LMO7: variants seen among roughly 807,000 people sequenced by gnomAD.
The protein encoded by LMO7 is LIM domain 7, also known as LIM domain only protein 7.
A neutral mutation model predicts 206.5 loss-of-function variants in LMO7; 120 were observed. The ratio of observed to expected loss-of-function variants is 0.58; its 90% CI spans 0.50 to 0.68. The LOEUF (loss-of-function observed/expected upper bound fraction) is 0.68. LMO7 is among the 30% of genes least tolerant of loss of function. LMO7 has a pLI of 0.00. For synonymous variants in LMO7, 706 were observed against 681.5 expected, an observed-to-expected ratio of 1.04 and a Z score of -0.56; for missense variants, 1,959 against 1,957.9, an observed-to-expected ratio of 1.00 and a Z score of -0.01.
intron 1 of LMO7, among the ~76,000 whole-genome samples, chr13:75,675,003 T>A (rs1451831508): frequency 1.3e-5 from 2 of 152,198 alleles, no homozygotes; most frequent in Non-Finnish European, 2.9e-5. Flanking sequence ...AGTTTCCTAG[T>A]CCTGTTATTT....
At chr13:75,656,628 T>A (rs2038084768) in intron 1 of LMO7, among the ~76,000 whole-genome samples, 1 of 152,192 alleles carries the variant, frequency 6.6e-6, no homozygotes, top group Non-Finnish European at 1.5e-5. Context: ...AGCTTGCGGT[T>A]AGTAGACTAC....
intron 1 of LMO7, among the ~76,000 whole-genome samples, chr13:75,670,628 A>G (rs917606387): frequency 5.3e-5 from 8 of 152,236 alleles, no homozygotes; most frequent in African/African-American, 1.9e-4. Context: ...GAAATGCTAC[A>G]TTTGTATAGG....
At position 75,838,072 on chromosome 13, in the gene LMO7, T is replaced by C; in HGVS notation, c.3395-68T>C. ...CTACAGATTGGAAAGGTATATCAAG[T>C]ATCGTTTAATTTACCAATGGTGAGA... is the stretch of plus-strand genomic sequence containing the variant. On this transcript the variant is annotated intron_variant, in intron 19 of 30. Transcript: ENST00000377534. 12 of 886,928 alleles carry C rather than the reference T, an allele frequency of 1.4e-5. 1 individual carries two copies. In the South Asian group the frequency reaches 1.7e-4, roughly 13 times the overall value. 54.9% of individuals were successfully genotyped at this position (886,928 alleles called of 1,614,324 possible).
chr13:75,814,568 A>T (rs555499222), intron 11 of LMO7, among the ~76,000 whole-genome samples: 1 of 152,324 alleles, frequency 6.6e-6, no homozygotes, highest in South Asian at 2.1e-4. Context: ...TAACACATTT[A>T]TCGGGCACCT....
intron 4 of LMO7, among the ~76,000 whole-genome samples, chr13:75,774,781 T>C (rs1381205353): frequency 6.6e-6 from 1 of 152,170 alleles, no homozygotes; most frequent in African/African-American, 2.4e-5. Flanking sequence ...ATATATCAGT[T>C]ATCTTCTCCC....
At chr13:75,735,717 G>A (rs974888811) in intron 3 of LMO7, among the ~76,000 whole-genome samples, 1 of 149,306 alleles carries the variant, frequency 6.7e-6, no homozygotes, top group Admixed American at 6.7e-5. Context: ...CTTGGGATTT[G>A]CCCGCCTCGG....
chr13:75,805,216 C>A, intron 8 of LMO7: 2 of 1,231,348 alleles, frequency 1.6e-6, no homozygotes, highest in Non-Finnish European at 1.0e-6. Flanking sequence ...GAAAGTAACA[C>A]CCCAAATTGT....
chr13:75,719,151 T>C (rs2043809700), intron 2 of LMO7, among the ~76,000 whole-genome samples: 2 of 152,016 alleles, frequency 1.3e-5, no homozygotes, highest in Admixed American at 1.3e-4. Context: ...GGCTAATTTT[T>C]GTATTTTTAG....
intron 4 of LMO7, among the ~76,000 whole-genome samples, chr13:75,767,288 A>G (rs1384242654): frequency 1.3e-5 from 2 of 152,116 alleles, no homozygotes; most frequent in Non-Finnish European, 2.9e-5. Flanking sequence ...ATCACTTTTT[A>G]TCTTGTGAAA....
chr13:75,804,445 C>T lies in LMO7; in HGVS notation c.818C>T (p.Pro273Leu). ...AAAAGTAGACAGCCATCCTATGTAC[C>T]AGCACCTCTGAGAAAGAAAAAGCCA... ...PNKSRQPSYV[P>L]APLRKKKPDK... The change falls in exon 8 of 31, where the codon CCA (proline) becomes CTA (leucine). Residue 273 changes from proline (P) to leucine (L), a missense_variant. Coordinates refer to ENST00000377534, the MANE Select transcript of LMO7 (RefSeq NM_001306080.2). 1.9e-6 allele frequency: 3 copies of T among 1,614,094 alleles called. No homozygotes were observed. The highest frequency in any genetic ancestry group is 2.5e-6 in the Non-Finnish European group (3 of 1,180,002).
chr13:75,857,962 A>G lies in LMO7; in HGVS notation c.*19A>G, dbSNP rs1031304146. The G allele has an allele frequency of 6.0e-5, 96 of 1,610,108 alleles. No individual in the cohort carries two copies. The highest frequency in any genetic ancestry group is 7.6e-5 in the Non-Finnish European group (89 of 1,178,036). ...CATGTGATGTAAGCCTCCATACGAAAGCACTGTTGCAGATAGAAGAAGAGG... is the reference window on the plus strand; with the variant it reads ...CATGTGATGTAAGCCTCCATACGAAGGCACTGTTGCAGATAGAAGAAGAGG... On this transcript the variant is annotated 3_prime_UTR_variant, in exon 31 of 31. Coordinates refer to ENST00000377534, the MANE Select transcript of LMO7 (RefSeq NM_001306080.2).
At chr13:75,754,550 G>A (rs1294838210) in intron 3 of LMO7, among the ~76,000 whole-genome samples, 1 of 152,110 alleles carries the variant, frequency 6.6e-6, no homozygotes, top group Non-Finnish European at 1.5e-5. Flanking sequence ...TTAATAGAAA[G>A]GAATGGGAGT....
intron 1 of LMO7, among the ~76,000 whole-genome samples, chr13:75,709,987 G>A (rs2042960085): frequency 6.6e-6 from 1 of 152,156 alleles, no homozygotes; most frequent in South Asian, 2.1e-4. Flanking sequence ...AAGGTGTAAG[G>A]AAGGGATCCA....
intron 24 of LMO7, among the ~76,000 whole-genome samples, chr13:75,842,607 G>A (rs935179079): frequency 6.6e-6 from 1 of 152,146 alleles, no homozygotes; most frequent in Non-Finnish European, 1.5e-5. Flanking sequence ...TCTTAGAGTG[G>A]TACTGGAATA....
intron 1 of LMO7, among the ~76,000 whole-genome samples, chr13:75,697,339 A>C (rs573652650): frequency 6.6e-6 from 1 of 152,344 alleles, no homozygotes; most frequent in East Asian, 1.9e-4. Flanking sequence ...ACTCAGTTCT[A>C]CATGGCTGGG....
chr13:75,833,872 C>T (rs1291803547), intron 16 of LMO7, among the ~76,000 whole-genome samples: 1 of 151,972 alleles, frequency 6.6e-6, no homozygotes, highest in Non-Finnish European at 1.5e-5. Context: ...TGCTTCATTC[C>T]AGAATGTATC....
chr13:75,810,340 G>A (rs1477694667), intron 11 of LMO7, among the ~76,000 whole-genome samples: 1 of 152,168 alleles, frequency 6.6e-6, no homozygotes, highest in Non-Finnish European at 1.5e-5. Context: ...AGAATCTCTA[G>A]TTTTGATAGC....
In LMO7 at chr13:75,841,790, G is replaced by A. The variant is rs1489678737; in HGVS notation, c.3838G>A (p.Glu1280Lys). ...RRQPQEEVVH[E>K]DQGKKPQDQL... ...ACAGCCACAAGAGGAAGTTGTTCATGAGGACCAAGGAAAGAAGCCGCAGGA... is the reference window on the plus strand; with the variant it reads ...ACAGCCACAAGAGGAAGTTGTTCATAAGGACCAAGGAAAGAAGCCGCAGGA... Residue 1280 changes from glutamate (E) to lysine (K), a missense_variant, in exon 24 of 31, where the codon GAG becomes AAG. Coordinates refer to ENST00000377534, the MANE Select transcript of LMO7 (RefSeq NM_001306080.2). The A allele has an allele frequency of 1.2e-6, 2 of 1,614,120 alleles. No individual in the cohort carries two copies. The highest frequency in any genetic ancestry group is 1.7e-6 in the Non-Finnish European group (2 of 1,180,014).
In LMO7 at chr13:75,855,285, T is replaced by G; in HGVS notation, c.4687T>G (p.Ser1563Ala). Reference protein sequence around the residue: ...NRSVSGKRICSYCNNILGKGA... With the variant: ...NRSVSGKRICAYCNNILGKGA... ...GTCAGTCAGTGGGAAGCGCATATGC[T>G]CCTACTGCAATAACATTCTGGGCAA... is the stretch of plus-strand genomic sequence containing the variant. Residue 1563 changes from serine (S) to alanine (A), a missense_variant, in exon 29 of 31, where the codon TCC (serine) becomes GCC (alanine). By Grantham distance (99) the Ser-to-Ala change is moderately conservative. Transcript: ENST00000377534. 1 of 1,613,772 alleles carries G rather than the reference T, an allele frequency of 6.2e-7. No homozygotes were observed. Among genetic ancestry groups the G allele is most frequent in the East Asian group, 2.2e-5 (1 of 44,880 alleles).
Sources: allele counts gnomAD v4.1 joint callset (sites outside exome capture counted in the v4.1 genomes callset), GRCh38; gene constraint gnomAD v4.1.1; transcripts MANE v1.5; gene names NCBI Gene and HGNC (gene_info 2026-07-23, HGNC 2026-07-21).